The following ADSL variants were observed in gnomAD, a reference collection of about 807,000 sequenced individuals.
The protein encoded by ADSL is adenylosuccinate lyase.
A neutral mutation model predicts 62.1 loss-of-function variants in ADSL; 44 were observed. The observed-to-expected ratio is 0.71, with a 90% CI of 0.56 to 0.91. The LOEUF (loss-of-function observed/expected upper bound fraction) is 0.91. ADSL is among the 40% of genes least tolerant of loss of function. The probability of loss-of-function intolerance (pLI) is 0.00; values close to 1 mark genes in which losing one functional copy is unlikely to be tolerated. For missense variants in ADSL, 531 were observed against 627.4 expected (o/e 0.85, Z 1.64); for synonymous variants, 198 against 220.5 (o/e 0.90, Z 0.90).
intron 4 of ADSL, among the ~76,000 whole-genome samples, chr22:40,357,046 C>T (rs2044588605): frequency 6.6e-6 from 1 of 152,070 alleles, no homozygotes. Flanking sequence ...CAGGTGTGCA[C>T]CACCACACTT....
rs759053684 is a variant in ADSL, at chr22:40,366,499, G to A, written c.1432G>A (p.Val478Met). 41 of 1,612,254 alleles carry A rather than the reference G, an allele frequency of 2.5e-5. No individual in the cohort carries two copies. Among genetic ancestry groups the A allele is most frequent in the Non-Finnish European group, 6.8e-6 (8 of 1,178,450 alleles). The change falls in exon 13 of 13, where the codon GTG becomes ATG. Residue 478 changes from valine to methionine, a missense_variant. By Grantham distance (21) the Val-to-Met change is conservative (BLOSUM62 1). This residue lies in a region of ADSL where 471 missense variants were observed against 592.9 expected (regional missense o/e 0.79). Transcript: ENST00000623063. ...AAAACCATATGAAAGCGTGATGAAGGTGAAAGCAGAATTATGTCTGTAGAG... is the reference window on the plus strand; with the variant it reads ...AAAACCATATGAAAGCGTGATGAAGATGAAAGCAGAATTATGTCTGTAGAG... ...LLKPYESVMK[V>M]KAELCL
In ADSL at chr22:40,364,289, G is replaced by A. The variant is rs150228971; in HGVS notation, c.1115G>A (p.Arg372His). Residue 372 changes from arginine to histidine, a missense_variant, in exon 11 of 13, where the codon CGC (arginine) becomes CAC (histidine). By Grantham distance (29) the Arg-to-His change is conservative. This residue lies in a region of ADSL where 471 missense variants were observed against 592.9 expected (regional missense o/e 0.79). Transcript: ENST00000623063. ...LVVYPKVIER[R>H]IRQELPFMAT... ...CTTTTCCTATAGGTAATTGAACGGC[G>A]CATTCGGCAAGAGCTGCCTTTCATG... 2.5e-4 allele frequency: 403 copies of A among 1,613,628 alleles called. No homozygotes were observed. The highest frequency in any genetic ancestry group is 3.1e-4 in the Non-Finnish European group (364 of 1,179,972).
downstream of ADSL, among the ~76,000 whole-genome samples, chr22:40,369,596 T>C (rs764145633): frequency 6.1e-4 from 92 of 152,014 alleles, no homozygotes; most frequent in Non-Finnish European, 9.4e-4. Context: ...CTTGATTTCC[T>C]GGGCTCAAGC....
intron 2 of ADSL, 100 bp from the exon 3 acceptor site, chr22:40,352,973 G>C (rs2044406592): frequency 1.1e-5 from 10 of 912,412 alleles, no homozygotes; most frequent in Non-Finnish European, 1.8e-5. Flanking sequence ...GATATAGGCT[G>C]GTAGCTGAGC....
intron 2 of ADSL, 122 bp from the exon 3 acceptor site, chr22:40,352,951 G>A (rs2044405759): frequency 2.7e-6 from 2 of 753,802 alleles, no homozygotes; most frequent in Non-Finnish European, 4.8e-6. Flanking sequence ...TGCTTAGTGG[G>A]TTGGTAGTGG....
intron 12 of ADSL, 32 bp from the exon 13 acceptor site, chr22:40,366,404 T>C (rs2146678153): frequency 1.4e-6 from 2 of 1,478,150 alleles, no homozygotes; most frequent in Non-Finnish European, 1.9e-6. Flanking sequence ...CTTAACATTT[T>C]CTTTTGTCTT....
At chr22:40,353,549 G>A in intron 3 of ADSL, 1 of 565,574 alleles carries the variant, frequency 1.8e-6, no homozygotes, top group Non-Finnish European at 3.2e-6. Context: ...CTTTCAAAGT[G>A]TTGGGATTAC....
At chr22:40,356,548 AAAAG>A (rs2044567290) in intron 4 of ADSL, among the ~76,000 whole-genome samples, 2 of 151,954 alleles carry the variant, frequency 1.3e-5, no homozygotes, top group South Asian at 2.1e-4. Context: ...AAAAAAAAAA[AAAAG>A]AAAGAAATTA....
chr22:40,355,712 C>T (rs1217547859), intron 4 of ADSL, among the ~76,000 whole-genome samples: 1 of 152,166 alleles, frequency 6.6e-6, no homozygotes, highest in Non-Finnish European at 1.5e-5. Context: ...TCTTTGCTTA[C>T]ACCAATAATC....
chr22:40,352,542 A>T (rs2044389570), intron 2 of ADSL, among the ~76,000 whole-genome samples: 1 of 152,170 alleles, frequency 6.6e-6, no homozygotes, highest in South Asian at 2.1e-4. Flanking sequence ...AAGAAAAAAA[A>T]AGAAAACGGG....
rs763821204 is a variant in ADSL at position 40,366,404 on chromosome 22, TC to T, written c.1369-31del. The T allele has an allele frequency of 9.1e-5, 134 of 1,478,150 alleles. 1 individual carries two copies. In the South Asian group the frequency reaches 1.4e-3, roughly 15 times the overall value. 91.6% of individuals were successfully genotyped at this position (1,478,150 alleles called of 1,614,324 possible). On this transcript the variant is annotated intron_variant, in intron 12 of 12. Transcript: ENST00000623063. Reference sequence around the variant, plus strand: ...ATTATCTGCTAATATCTTAACATTTTCTTTTGTCTTGTATTTGCTTTCCTCT... The same window carrying T: ...ATTATCTGCTAATATCTTAACATTTTTTTTGTCTTGTATTTGCTTTCCTCT...
rs780482118 is a variant in ADSL, at chr22:40,354,290, C to T, written c.445C>T (p.Arg149Ter). 4 of 1,613,742 alleles carry T rather than the reference C, an allele frequency of 2.5e-6. No homozygotes were observed. Among genetic ancestry groups the T allele is most frequent in the South Asian group, 1.1e-5 (1 of 91,082 alleles). The change falls in exon 4 of 13, where the codon CGA becomes TGA. Residue 149 changes from arginine to a stop codon, truncating the protein, a stop_gained. Coordinates refer to ENST00000623063, the MANE Select transcript of ADSL (RefSeq NM_000026.4). LOFTEE classifies it high-confidence loss of function. ...ISRLADFAKE[R>*]ASLPTLGFTH... is the part of the protein sequence containing the mutation. ...TCGGCTTGCCGACTTTGCTAAGGAACGAGCCAGTCTACCCACATTAGGTTT... is the reference window on the plus strand; with the variant it reads ...TCGGCTTGCCGACTTTGCTAAGGAATGAGCCAGTCTACCCACATTAGGTTT...
Position 40,359,357 on chromosome 22 carries a change from A to G in ADSL, c.701+51A>G, listed in dbSNP as rs775951751. 3.2e-6 allele frequency: 5 copies of G among 1,557,894 alleles called. No homozygotes were observed. In the African/African-American group the frequency reaches 5.4e-5, roughly 17 times the overall value. On this transcript the variant is annotated intron_variant, in intron 6 of 12. Transcript: ENST00000623063. ...TCCCTGTTAAGTTGATGGAAGTCCT[A>G]TATTCAGTATACCTGCAGATTTGAC...
intron 2 of ADSL, among the ~76,000 whole-genome samples, chr22:40,384,458 A>G (rs983481160): frequency 2.0e-5 from 3 of 152,186 alleles, no homozygotes; most frequent in Non-Finnish European, 2.9e-5. Context: ...TCTCCAATAA[A>G]TAAACAAAAA....
chr22:40,371,853 C>A (rs944253627), downstream of ADSL, among the ~76,000 whole-genome samples: 2 of 151,808 alleles, frequency 1.3e-5, no homozygotes. Flanking sequence ...CCCGCCACCA[C>A]GCCCGGCTAA....
intron 2 of ADSL, among the ~76,000 whole-genome samples, chr22:40,384,064 G>A (rs970943576): frequency 1.3e-5 from 2 of 152,088 alleles, no homozygotes; most frequent in Non-Finnish European, 2.9e-5. Flanking sequence ...TCCTGGGCAA[G>A]ATAGTAGGAC....
chr22:40,371,371 C>G (rs2045435105), downstream of ADSL, among the ~76,000 whole-genome samples: 1 of 152,222 alleles, frequency 6.6e-6, no homozygotes, highest in Non-Finnish European at 1.5e-5. Flanking sequence ...CTTCCAGTCT[C>G]ACGCTGCACG....
chr22:40,361,843 G>A (rs2044802913), intron 9 of ADSL, among the ~76,000 whole-genome samples: 1 of 152,232 alleles, frequency 6.6e-6, no homozygotes, highest in Non-Finnish European at 1.5e-5. Context: ...AAAGAGGAAG[G>A]AATAGTGTTT....
chr22:40,386,028 TTTTTTTTTG>T (rs2048374504), intron 2 of ADSL, among the ~76,000 whole-genome samples: 1 of 151,444 alleles, frequency 6.6e-6, no homozygotes, highest in Non-Finnish European at 1.5e-5. Context: ...ATTTTTTGTT[TTTTTTTTTG>T]TTTTTTTTGT....
Sources: gnomAD v4.1 joint callset for allele counts (sites outside exome capture counted in the v4.1 genomes callset) on GRCh38, gnomAD v4.1.1 for gene constraint, gnomAD v4.1.1 regional missense constraint, MANE v1.5 for transcripts, NCBI Gene and HGNC (gene_info 2026-07-23, HGNC 2026-07-21) for gene names.